LRRFIP1: variants seen among roughly 807,000 people sequenced by gnomAD.
LRRFIP1 encodes the protein LRR binding FLII interacting protein 1, also known as leucine-rich repeat flightless-interacting protein 1.
In LRRFIP1, 62 loss-of-function variants were observed where a neutral mutation model predicts 104.4. The observed-to-expected ratio is 0.59, with a 90% CI of 0.48 to 0.73. The LOEUF is 0.73. Among genes scored for constraint, LRRFIP1 ranks in the 30% least tolerant of loss-of-function variants. The pLI is 0.00. For missense variants in LRRFIP1, 796 were observed against 824.5 expected, an observed-to-expected ratio of 0.97 and a Z score of 0.42; for synonymous variants, 300 against 299.0, an observed-to-expected ratio of 1.00 and a Z score of -0.03.
At chr2:237,751,017 A>G (rs2058564403) in intron 13 of LRRFIP1, among the ~76,000 whole-genome samples, 183 bp from the exon 14 acceptor site, 1 of 152,224 alleles carries the variant, frequency 6.6e-6, no homozygotes. Flanking sequence ...AAAATATCAT[A>G]TGGGATACAC....
At chr2:237,681,973 T>G (rs1373347052) in intron 1 of LRRFIP1, among the ~76,000 whole-genome samples, 3 of 152,100 alleles carry the variant, frequency 2.0e-5, no homozygotes, top group Non-Finnish European at 4.4e-5. Context: ...ATCTGAGGAC[T>G]AAGAACTCCA....
At chr2:237,629,370 C>T (rs928312760) in intron 1 of LRRFIP1, among the ~76,000 whole-genome samples, 1 of 151,924 alleles carries the variant, frequency 6.6e-6, no homozygotes, top group Non-Finnish European at 1.5e-5. Context: ...GCCAGTGAAT[C>T]GCAAGCCTTG....
rs2094396459 is a variant in LRRFIP1 at position 237,717,804 on chromosome 2, T to C, written c.244T>C (p.Trp82Arg). The stretch of plus-strand genomic sequence containing the variant: ...TACAAAATGGGGTGACATCGAGCAG[T>C]GGATGGTAGGCCTTGAATATAATTT... The part of the protein sequence containing the change: ...LDTKWGDIEQ[W>R]MEDSERYSRR... Residue 82 changes from tryptophan to arginine, a missense_variant, in exon 4 of 24, where the codon TGG becomes CGG. Coordinates refer to ENST00000308482, the MANE Select transcript of LRRFIP1 (RefSeq NM_001137550.2). The surrounding 1 kb of genome is among the most constrained non-coding windows in gnomAD (Gnocchi z 4.2). 6.2e-7 allele frequency: 1 copy of C among 1,611,556 alleles called. No homozygotes were observed. Among genetic ancestry groups the C allele is most frequent in the Non-Finnish European group, 8.5e-7 (1 of 1,177,642 alleles).
At chr2:237,722,232 T>C (rs1055291598) in intron 6 of LRRFIP1, 4 of 152,004 alleles carry the variant, frequency 2.6e-5, no homozygotes, top group Non-Finnish European at 4.4e-5. Context: ...CAAGAGAGAA[T>C]AGGAGGAGAG....
At chr2:237,765,237 T>A (rs1457685925) in intron 19 of LRRFIP1, 1 of 157,296 alleles carries the variant, frequency 6.4e-6, no homozygotes, top group Non-Finnish European at 1.3e-5. Context: ...TACTCCAGCC[T>A]GGACAACAAG....
At chr2:237,759,690 C>CT (rs1306058276) in intron 18 of LRRFIP1, among the ~76,000 whole-genome samples, 1 of 152,120 alleles carries the variant, frequency 6.6e-6, no homozygotes, top group Non-Finnish European at 1.5e-5. Context: ...TCTGGTTTCT[C>CT]TTTTTAAAGA....
intron 1 of LRRFIP1, among the ~76,000 whole-genome samples, chr2:237,666,180 G>C (rs998525451): frequency 6.6e-6 from 1 of 152,230 alleles, no homozygotes; most frequent in Admixed American, 6.5e-5. Context: ...CACAGCACTC[G>C]GCACAGTGCC....
rs544815159 is a variant in LRRFIP1, at chr2:237,719,174, C to T, written c.250-349C>T. ...TGGAAATGATTTATCTTCTGATTCC[C>T]GAAGAGAGTGAGGTTCTGAAAGTAA... On this transcript the variant is annotated intron_variant, in intron 4 of 23. Transcript: ENST00000308482. Among the ~76,000 whole-genome samples, 5 of 152,176 alleles carry T rather than the reference C, an allele frequency of 3.3e-5. No homozygotes were observed. In the East Asian group the frequency reaches 5.8e-4, roughly 18 times the overall value.
In LRRFIP1 at chr2:237,746,771, G is replaced by A. The variant is rs868851968; in HGVS notation, c.634-1593G>A. 3.9e-5 allele frequency among the ~76,000 whole-genome samples: 6 copies of A among 152,366 alleles called. No individual in the cohort carries two copies. The South Asian group carries it at 6.2e-4, about 16-fold the overall frequency. ...AGAATGGACATCAGGGCAGAGAGCCGTAAGCAGCTGGGATTGTGGAAAGCG... is the reference window on the plus strand; with the variant it reads ...AGAATGGACATCAGGGCAGAGAGCCATAAGCAGCTGGGATTGTGGAAAGCG... On this transcript the variant is annotated intron_variant, in intron 11 of 23. Coordinates refer to ENST00000308482, the MANE Select transcript of LRRFIP1 (RefSeq NM_001137550.2).
At chr2:237,628,885 G>A (rs992066269) in intron 1 of LRRFIP1, among the ~76,000 whole-genome samples, 4 of 152,174 alleles carry the variant, frequency 2.6e-5, no homozygotes, top group African/African-American at 9.7e-5. Flanking sequence ...AGTGAATAAA[G>A]ACTTCTGTTT....
At chr2:237,692,361 G>A in intron 1 of LRRFIP1, 1 of 1,295,422 alleles carries the variant, frequency 7.7e-7, no homozygotes, top group Non-Finnish European at 9.9e-7. Context: ...CCGTCTCCGC[G>A]GACAGAGCGC....
intron 1 of LRRFIP1, among the ~76,000 whole-genome samples, chr2:237,645,200 A>T (rs74001206): frequency 0.084 from 12,804 of 152,270 alleles, 636 homozygotes; most frequent in East Asian, 0.2. Flanking sequence ...CTATGCAGAT[A>T]TCCTGTGTCA....
intron 1 of LRRFIP1, among the ~76,000 whole-genome samples, chr2:237,678,572 GTC>G (rs1379084286): frequency 6.6e-6 from 1 of 152,030 alleles, no homozygotes; most frequent in African/African-American, 2.4e-5. Context: ...GTGGAGTGAG[GTC>G]AGCTCACTGC....
intron 1 of LRRFIP1, among the ~76,000 whole-genome samples, chr2:237,688,937 C>T (rs2092586396): frequency 6.6e-6 from 1 of 151,786 alleles, no homozygotes; most frequent in African/African-American, 2.4e-5. Context: ...CTATAAAATG[C>T]CACCTTTCAG....
rs1044626832 is a variant in LRRFIP1 at position 237,661,540 on chromosome 2, C to T, written c.96+33800C>T. Among the ~76,000 whole-genome samples, 1 of 152,274 alleles carries T rather than the reference C, an allele frequency of 6.6e-6. No individual in the cohort carries two copies. The highest frequency in any genetic ancestry group is 1.5e-5 in the Non-Finnish European group (1 of 68,042). On this transcript the variant is annotated intron_variant, in intron 1 of 23. Transcript: ENST00000308482. The surrounding 1 kb of genome is among the most constrained non-coding windows in gnomAD (Gnocchi z 4.4). ...TCGCTCTCGGCCCCTGGTTCACCTT[C>T]TGTTCCTGCCCAGGGCAAACTGCCC...
At position 237,703,021 on chromosome 2, in the gene LRRFIP1, G is replaced by A. The variant is rs1193654216; in HGVS notation, c.97-5523G>A. 1.3e-5 allele frequency among the ~76,000 whole-genome samples: 2 copies of A among 152,182 alleles called. No individual in the cohort carries two copies. Among genetic ancestry groups the A allele is most frequent in the African/African-American group, 4.8e-5 (2 of 41,428 alleles). On this transcript the variant is annotated intron_variant, in intron 1 of 23. Transcript: ENST00000308482. The surrounding 1 kb of genome is among the most constrained non-coding windows in gnomAD (Gnocchi z 4.3). ...GGCTTCAGGGTGTAGGACCCCAGGA[G>A]CAGGCAAGGGCTTGCTCTTTCCCTG...
chr2:237,700,625 C>T (rs112350081), intron 1 of LRRFIP1, among the ~76,000 whole-genome samples: 1 of 151,832 alleles, frequency 6.6e-6, no homozygotes, highest in African/African-American at 2.4e-5. Context: ...CCTGAACAGC[C>T]CCGTGGGGCG....
chr2:237,755,185 A>AGAGCC (rs1219358882), intron 15 of LRRFIP1, among the ~76,000 whole-genome samples: 1 of 152,212 alleles, frequency 6.6e-6, no homozygotes, highest in Non-Finnish European at 1.5e-5. Flanking sequence ...GGAACACAGC[A>AGAGCC]GAGCCGAGCT....
At chr2:237,659,098 T>C (rs2087367756) in intron 1 of LRRFIP1, among the ~76,000 whole-genome samples, 1 of 148,378 alleles carries the variant, frequency 6.7e-6, no homozygotes. Flanking sequence ...ATTATTATTA[T>C]ATCTTTTTTT....
Sources: allele counts gnomAD v4.1 joint callset (sites outside exome capture counted in the v4.1 genomes callset), GRCh38; gene constraint gnomAD v4.1.1; non-coding constraint Gnocchi (gnomAD v3.1); transcripts MANE v1.5; gene names NCBI Gene and HGNC (gene_info 2026-07-23, HGNC 2026-07-21).